Variants in ZFHX3 observed in about 807,000 individuals in gnomAD.
ZFHX3 encodes the protein zinc finger homeobox protein 3.
ZFHX3 carries 42 observed loss-of-function variants against 279.1 expected under a neutral mutation model. The ratio of observed to expected loss-of-function variants is 0.15; its 90% CI spans 0.12 to 0.19. The LOEUF is 0.19. Among genes scored for constraint, ZFHX3 ranks in the 10% least tolerant of loss-of-function variants. The pLI, the probability that ZFHX3 is intolerant of heterozygous loss-of-function variation, is 1.00. For missense variants in ZFHX3, 4,981 were observed against 4,754.0 expected, an observed-to-expected ratio of 1.05 and a Z score of -1.40; for synonymous variants, 2,293 against 1,957.8, an observed-to-expected ratio of 1.17 and a Z score of -4.52.
At chr16:73,026,509 T>TAA (rs1252267534) in intron 1 of ZFHX3, among the ~76,000 whole-genome samples, 1 of 146,714 alleles carries the variant, frequency 6.8e-6, no homozygotes, top group African/African-American at 2.5e-5. Flanking sequence ...CTGTCTCTAC[T>TAA]AAATACAAAA....
chr16:73,338,442 T>C (rs188264181), intron 3 of ZFHX3, among the ~76,000 whole-genome samples: 9 of 152,290 alleles, frequency 5.9e-5, no homozygotes, highest in African/African-American at 1.7e-4. Flanking sequence ...TCAACTTTTT[T>C]TTTCATTTTA....
intron 2 of ZFHX3, among the ~76,000 whole-genome samples, chr16:73,547,891 G>A (rs930558238): frequency 1.3e-5 from 2 of 152,214 alleles, no homozygotes; most frequent in African/African-American, 4.8e-5. Context: ...TGTGAACACA[G>A]ACGCAATGCT....
At chr16:72,850,688 GGATGCCTCCCCCTAA>G (rs774796813) in intron 4 of ZFHX3, among the ~76,000 whole-genome samples, 8 of 152,152 alleles carry the variant, frequency 5.3e-5, no homozygotes, top group Non-Finnish European at 1.0e-4. Flanking sequence ...GAAACGTGGA[GGATGCCTCCCCCTAA>G]GATGTGCTTT....
chr16:72,935,778 G>A (rs1391883275), intron 3 of ZFHX3, among the ~76,000 whole-genome samples: 2 of 151,386 alleles, frequency 1.3e-5, no homozygotes, highest in Non-Finnish European at 2.9e-5. Flanking sequence ...ATCATCAGGC[G>A]ACACTTGCTG....
chr16:73,462,776 C>A (rs78351659), intron 2 of ZFHX3, among the ~76,000 whole-genome samples: 1 of 152,114 alleles, frequency 6.6e-6, no homozygotes, highest in Admixed American at 6.5e-5. Flanking sequence ...CACTGAGTCA[C>A]GGTGTATCAT....
chr16:72,906,693 G>C (rs191652969), intron 3 of ZFHX3, among the ~76,000 whole-genome samples: 23 of 152,286 alleles, frequency 1.5e-4, no homozygotes, highest in Admixed American at 2.6e-4. Context: ...AACAACTCAG[G>C]AGGCTGATGC....
At position 73,470,897 on chromosome 16, in the gene ZFHX3, C is replaced by T. The variant is rs546660757; in HGVS notation, c.-1546-14639G>A. 2.6e-5 allele frequency among the ~76,000 whole-genome samples: 4 copies of T among 152,262 alleles called. No individual in the cohort carries two copies. In the South Asian group the frequency reaches 8.3e-4, roughly 32 times the overall value. On this transcript the variant is annotated intron_variant, in intron 2 of 17. Transcript: ENST00000641206. Reference sequence around the variant, plus strand: ...CTCTCTTACCCCTTTTTTGGGTGAACATCTACTCTTCATTTCTATCCTCAA... The same window carrying T: ...CTCTCTTACCCCTTTTTTGGGTGAATATCTACTCTTCATTTCTATCCTCAA...
At chr16:73,340,754 C>A (rs2016016529) in intron 3 of ZFHX3, among the ~76,000 whole-genome samples, 1 of 152,060 alleles carries the variant, frequency 6.6e-6, no homozygotes, top group African/African-American at 2.4e-5. Context: ...TCTATCCCTC[C>A]AACCACAAAA....
At chr16:73,472,634 A>G (rs549679055) in intron 2 of ZFHX3, among the ~76,000 whole-genome samples, 2 of 152,250 alleles carry the variant, frequency 1.3e-5, no homozygotes, top group East Asian at 3.9e-4. Context: ...GTGCCATGAG[A>G]CTGGCCTCTC....
chr16:73,128,161 C>A (rs1390568441), intron 7 of ZFHX3, among the ~76,000 whole-genome samples: 2 of 151,860 alleles, frequency 1.3e-5, no homozygotes, highest in Admixed American at 6.5e-5. Flanking sequence ...CATAACTGAA[C>A]TTTTTCTGAC....
chr16:73,733,279 T>A (rs1208334109), intron 1 of ZFHX3, among the ~76,000 whole-genome samples: 1 of 152,146 alleles, frequency 6.6e-6, no homozygotes, highest in Non-Finnish European at 1.5e-5. Context: ...TACTAAAAAA[T>A]TTAACAGTTA....
chr16:72,787,625 C>G lies in ZFHX3; in HGVS notation c.10651G>C (p.Ala3551Pro), dbSNP rs1597221966. The change falls in exon 10 of 10, where the codon GCC (alanine) becomes CCC (proline). Residue 3551 changes from alanine to proline, a missense_variant. Physicochemically the swap from Ala to Pro is conservative, Grantham distance 27 (BLOSUM62 -1). Around this residue, in one of 7 missense-constraint regions of ZFHX3, gnomAD observed 1,034 missense variants for 786.0 expected, o/e 1.32. Transcript: ENST00000268489. ...GTGATTGTTCTGTGTTTGTGCAAGG[C>G]CGACTCGAGATGTTGACTCAGAGCT... ...EEALSQHLESALHKHRTITRA... is the reference protein window; with the variant it reads ...EEALSQHLESPLHKHRTITRA... The G allele has an allele frequency of 6.2e-7, 1 of 1,613,034 alleles. No homozygotes were observed. Among genetic ancestry groups the G allele is most frequent in the African/African-American group, 1.3e-5 (1 of 74,826 alleles).
At chr16:72,830,648 G>A (rs866524901) in intron 4 of ZFHX3, among the ~76,000 whole-genome samples, 1 of 152,180 alleles carries the variant, frequency 6.6e-6, no homozygotes, top group Admixed American at 6.5e-5. Context: ...GGCTGCCAAC[G>A]CTAGGCTGCT....
chr16:72,869,514 TTTCTTTGTCCACTTCCCAAAGCCTCCA>T (rs1377547542), intron 4 of ZFHX3, among the ~76,000 whole-genome samples: 10 of 152,362 alleles, frequency 6.6e-5, no homozygotes, highest in African/African-American at 2.4e-4. Flanking sequence ...TCTGTAATAG[TTTCTTTGTCCACTTCCCAAAGCCTCCA>T]TTCCTCGTTT....
chr16:73,332,620 C>A (rs1788438633), intron 3 of ZFHX3, among the ~76,000 whole-genome samples: 1 of 152,220 alleles, frequency 6.6e-6, no homozygotes, highest in Non-Finnish European at 1.5e-5. Context: ...CCTTTGCTGG[C>A]ATGTAAGAAT....
chr16:73,036,385 C>T (rs747879542), intron 1 of ZFHX3, among the ~76,000 whole-genome samples: 6 of 152,000 alleles, frequency 3.9e-5, no homozygotes, highest in Non-Finnish European at 7.4e-5. Flanking sequence ...CTCCAGCAGC[C>T]GGATTAGCAC....
intron 4 of ZFHX3, among the ~76,000 whole-genome samples, chr16:73,279,148 T>TGTACAAATTGTGCAAAATGTGTA (rs1485857128): frequency 6.6e-6 from 1 of 152,162 alleles, no homozygotes; most frequent in Non-Finnish European, 1.5e-5. Flanking sequence ...TACAGTTAAT[T>TGTACAAATTGTGCAAAATGTGTA]CATTTTGCAC....
chr16:73,539,354 C>A (rs1251529431), intron 2 of ZFHX3, among the ~76,000 whole-genome samples: 7 of 151,478 alleles, frequency 4.6e-5, no homozygotes, highest in Admixed American at 1.3e-4. Flanking sequence ...AAGCCCCCAA[C>A]CCCCTGAACA....
chr16:73,061,589 G>A (rs1220949183), upstream of ZFHX3: 1 of 151,446 alleles, frequency 6.6e-6, no homozygotes, highest in Non-Finnish European at 1.5e-5. Flanking sequence ...GTAAAATGTA[G>A]CTGACTGAAG....
Sources: gnomAD v4.1 joint callset for allele counts (sites outside exome capture counted in the v4.1 genomes callset) on GRCh38, gnomAD v4.1.1 for gene constraint, gnomAD v4.1.1 regional missense constraint, MANE v1.5 for transcripts, NCBI Gene and HGNC (gene_info 2026-07-23, HGNC 2026-07-21) for gene names.